The following ADGRV1 variants were observed in gnomAD, a reference collection of about 807,000 sequenced individuals.
The protein encoded by ADGRV1 is G-protein coupled receptor 98.
ADGRV1 carries 359 observed loss-of-function variants against 596.2 expected under a neutral mutation model. That is an observed-to-expected ratio of 0.60 (90% confidence interval 0.55 to 0.66). The LOEUF (loss-of-function observed/expected upper bound fraction) is 0.66. ADGRV1 is among the 30% of genes least tolerant of loss of function. The pLI is 0.00. For synonymous variants in ADGRV1, 2,681 were observed against 2,679.2 expected (o/e 1.00, Z -0.02); for missense variants, 7,274 against 7,575.6 (o/e 0.96, Z 1.48).
At chr5:91,135,415 T>C (rs1428787010) in intron 87 of ADGRV1, among the ~76,000 whole-genome samples, 1 of 152,180 alleles carries the variant, frequency 6.6e-6, no homozygotes, top group Non-Finnish European at 1.5e-5. Flanking sequence ...GCCCAGCCTA[T>C]AAAATCTGAT....
At chr5:91,084,911 G>A (rs1327589056) in intron 86 of ADGRV1, among the ~76,000 whole-genome samples, 8 of 152,196 alleles carry the variant, frequency 5.3e-5, no homozygotes, top group Non-Finnish European at 4.4e-5. Context: ...AAAAAAGGAT[G>A]AGTTCATGTC....
Position 90,776,526 on chromosome 5 carries a change from C to T in ADGRV1, c.12477C>T (p.His4159=), listed in dbSNP as rs754068018. The part of the protein sequence containing the change: ...GEVGIAPSSR[H]ILIGEPSAKY... Reference sequence around the variant, plus strand: ...TTGGGATAGCTCCGTCATCTAGGCACATCCTCATTGGGGAACCCTCAGCAA... The same window carrying T: ...TTGGGATAGCTCCGTCATCTAGGCATATCCTCATTGGGGAACCCTCAGCAA... The change falls in exon 61 of 90, where the codon CAC becomes CAT. Residue 4159 remains histidine (H), a synonymous_variant. Transcript: ENST00000405460. 3 of 1,613,258 alleles carry T rather than the reference C, an allele frequency of 1.9e-6. 1 individual carries two copies. In the South Asian group the frequency reaches 3.3e-5, roughly 18 times the overall value.
chr5:90,702,748 G>T (rs1434680413), intron 34 of ADGRV1, among the ~76,000 whole-genome samples: 1 of 151,978 alleles, frequency 6.6e-6, no homozygotes, highest in Admixed American at 6.5e-5. Context: ...GACATTTTTA[G>T]TGAATGTTTG....
intron 86 of ADGRV1, among the ~76,000 whole-genome samples, chr5:91,099,225 G>A (rs1162724442): frequency 3.3e-5 from 5 of 151,612 alleles, no homozygotes; most frequent in Admixed American, 6.6e-5. Flanking sequence ...GTGATGAAGG[G>A]CATATATCAG....
At chr5:91,019,170 G>C (rs1423673451) in intron 85 of ADGRV1, among the ~76,000 whole-genome samples, 1 of 151,956 alleles carries the variant, frequency 6.6e-6, no homozygotes, top group Non-Finnish European at 1.5e-5. Flanking sequence ...TATGCCCATG[G>C]CTAGAGCAAA....
chr5:90,716,349 T>G (rs954220484), intron 42 of ADGRV1, 118 bp from the exon 43 acceptor site: 1 of 623,772 alleles, frequency 1.6e-6, no homozygotes, highest in African/African-American at 1.8e-5. Flanking sequence ...AAGATCATCT[T>G]AAGACAATCA....
chr5:90,739,609 G>A lies in ADGRV1; in HGVS notation c.10550-5437G>A, dbSNP rs141598103. Among the ~76,000 whole-genome samples the A allele has an allele frequency of 4.0e-3, 610 of 152,326 alleles. 6 individuals are homozygous for A. Among genetic ancestry groups the A allele is most frequent in the Admixed American group, 0.015 (223 of 15,296 alleles). The stretch of plus-strand genomic sequence containing the variant: ...GCTCTGAGATCCAGTGACATCTCTG[G>A]TTGGGGTCTTCAGTAAGTCAGAGCT... On this transcript the variant is annotated intron_variant, in intron 50 of 89. Transcript: ENST00000405460.
rs766766086 is a variant in ADGRV1, at chr5:90,706,264, G to A, written c.8600G>A (p.Gly2867Glu). 1.9e-6 allele frequency: 3 copies of A among 1,613,226 alleles called. No individual in the cohort carries two copies. The East Asian group carries it at 6.7e-5, about 36-fold the overall frequency. ...AATGTCACATATACCACGGTTCCTGGAATGCTGAGTCTGAAGAACCAAACA... is the reference window on the plus strand; with the variant it reads ...AATGTCACATATACCACGGTTCCTGAAATGCTGAGTCTGAAGAACCAAACA... ...AINVTYTTVP[G>E]MLSLKNQTVG... Residue 2867 changes from glycine (G) to glutamate (E), a missense_variant, in exon 38 of 90, where the codon GGA (glycine) becomes GAA (glutamate). Coordinates refer to ENST00000405460, the MANE Select transcript of ADGRV1 (RefSeq NM_032119.4).
intron 39 of ADGRV1, among the ~76,000 whole-genome samples, chr5:90,709,766 T>C (rs1056045602): frequency 2.0e-5 from 3 of 152,254 alleles, no homozygotes; most frequent in Non-Finnish European, 4.4e-5. Context: ...GTAGGCTGTT[T>C]ACATCAAGTA....
intron 34 of ADGRV1, among the ~76,000 whole-genome samples, chr5:90,701,110 A>G (rs933699743): frequency 6.6e-6 from 1 of 152,138 alleles, no homozygotes; most frequent in Admixed American, 6.5e-5. Context: ...TGGATTTCGT[A>G]TCAAGATGAT....
intron 85 of ADGRV1, among the ~76,000 whole-genome samples, chr5:90,986,625 G>T (rs1780520153): frequency 6.6e-6 from 1 of 151,568 alleles, no homozygotes; most frequent in Non-Finnish European, 1.5e-5. Flanking sequence ...TTGTAATTCT[G>T]TCTTTTTATT....
chr5:90,856,153 T>C (rs1345872147), intron 82 of ADGRV1, among the ~76,000 whole-genome samples: 1 of 152,160 alleles, frequency 6.6e-6, no homozygotes, highest in African/African-American at 2.4e-5. Context: ...CAGTGTAGGA[T>C]AGAAGCTAGA....
chr5:90,736,919 G>A (rs748226298), intron 50 of ADGRV1, among the ~76,000 whole-genome samples: 6 of 150,702 alleles, frequency 4.0e-5, no homozygotes, highest in Non-Finnish European at 8.9e-5. Context: ...ACAATTCTTA[G>A]TTTTATTTAT....
chr5:90,906,511 A>T (rs746396012), intron 83 of ADGRV1, among the ~76,000 whole-genome samples: 2 of 152,142 alleles, frequency 1.3e-5, no homozygotes, highest in Non-Finnish European at 2.9e-5. Context: ...ATTTATTGGC[A>T]TATAGTTTCT....
intron 9 of ADGRV1, chr5:90,630,374 C>T (rs183465721): frequency 9.7e-4 from 148 of 152,242 alleles, no homozygotes; most frequent in African/African-American, 3.5e-3. Flanking sequence ...CTCTCTGGAC[C>T]TTCAACTGTT....
At chr5:90,910,148 GGT>G (rs1772726628) in intron 83 of ADGRV1, among the ~76,000 whole-genome samples, 1 of 152,212 alleles carries the variant, frequency 6.6e-6, no homozygotes, top group South Asian at 2.1e-4. Flanking sequence ...TTTGTAAAGT[GGT>G]CAAGTGCCTT....
chr5:90,891,848 G>A (rs927628055), intron 83 of ADGRV1, among the ~76,000 whole-genome samples: 1 of 151,958 alleles, frequency 6.6e-6, no homozygotes, highest in Non-Finnish European at 1.5e-5. Flanking sequence ...ATTTGGGGAA[G>A]CAGTAATATA....
At chr5:90,795,937 G>A (rs930031472) in intron 70 of ADGRV1, among the ~76,000 whole-genome samples, 3 of 152,128 alleles carry the variant, frequency 2.0e-5, no homozygotes, top group Non-Finnish European at 4.4e-5. Context: ...CTAACAGAAA[G>A]GAGCAGCACA....
chr5:90,684,124 C>T lies in ADGRV1; in HGVS notation c.6203C>T (p.Pro2068Leu). 1 of 1,613,820 alleles carries T rather than the reference C, an allele frequency of 6.2e-7. No homozygotes were observed. The highest frequency in any genetic ancestry group is 8.5e-7 in the Non-Finnish European group (1 of 1,179,836). Residue 2068 changes from proline (P) to leucine (L), a missense_variant, in exon 28 of 90, where the codon CCA (proline) becomes CTA (leucine). Physicochemically the swap from Pro to Leu is moderately conservative, Grantham distance 98. This residue lies in a region of ADGRV1 where 3,643 missense variants were observed against 3,809.2 expected (regional missense o/e 0.96). Coordinates refer to ENST00000405460, the MANE Select transcript of ADGRV1 (RefSeq NM_032119.4). Reference protein sequence around the residue: ...IAISILDDDEPERSESVFIEL... With the variant: ...IAISILDDDELERSESVFIEL... ...ATTTCAATTTTGGATGATGATGAGC[C>T]AGAAAGGTCCGAATCTGTCTTTATC... is the stretch of plus-strand genomic sequence containing the variant.
Sources: gnomAD v4.1 joint callset for allele counts (sites outside exome capture counted in the v4.1 genomes callset) on GRCh38, gnomAD v4.1.1 for gene constraint, gnomAD v4.1.1 regional missense constraint, MANE v1.5 for transcripts, NCBI Gene and HGNC (gene_info 2026-07-23, HGNC 2026-07-21) for gene names.